DNM2: variants seen among roughly 807,000 people sequenced by gnomAD.
The protein encoded by DNM2 is dynamin-2.
DNM2 carries 15 observed loss-of-function variants against 99.0 expected under a neutral mutation model. That is an observed-to-expected ratio of 0.15 (90% CI 0.10 to 0.23). The LOEUF is 0.23. Ranked by LOEUF, DNM2 falls within the 10% of genes least tolerant of loss-of-function variation. The probability of loss-of-function intolerance (pLI) is 1.00; values close to 1 mark genes in which losing one functional copy is unlikely to be tolerated. For synonymous variants in DNM2, 525 were observed against 481.2 expected, an observed-to-expected ratio of 1.09 and a Z score of -1.19; for missense variants, 742 against 1,189.4, an observed-to-expected ratio of 0.62 and a Z score of 5.53.
intron 2 of DNM2, among the ~76,000 whole-genome samples, chr19:10,760,197 C>CT (rs55799441): frequency 0.019 from 2,630 of 140,784 alleles, 95 homozygotes; most frequent in African/African-American, 0.06. Context: ...CCATGGCCAG[C>CT]TTTTTTTTTT....
intron 1 of DNM2, among the ~76,000 whole-genome samples, chr19:10,744,473 G>A (rs761889372): frequency 4.6e-5 from 7 of 152,028 alleles, no homozygotes; most frequent in Admixed American, 6.6e-5. Flanking sequence ...GGAGAGTCTC[G>A]GGGTGGAGGG....
chr19:10,777,681 G>A (rs1177482219), intron 5 of DNM2, among the ~76,000 whole-genome samples: 1 of 151,710 alleles, frequency 6.6e-6, no homozygotes, highest in Non-Finnish European at 1.5e-5. Context: ...TGCAACCTCC[G>A]CCTCCCAGGT....
Position 10,791,836 on chromosome 19 carries a change from A to C in DNM2, c.993-1884A>C, listed in dbSNP as rs544537526. ...TGCAGTGGCTCATGCCTGTAATCCCAGCACTTTGGGAGGCCAAGGCGGGCG... is the reference window on the plus strand; with the variant it reads ...TGCAGTGGCTCATGCCTGTAATCCCCGCACTTTGGGAGGCCAAGGCGGGCG... On this transcript the variant is annotated intron_variant, in intron 7 of 20. Transcript: ENST00000389253. 3.4e-3 allele frequency among the ~76,000 whole-genome samples: 517 copies of C among 152,286 alleles called. 2 individuals are homozygous for C. Among genetic ancestry groups the C allele is most frequent in the African/African-American group, 0.012 (501 of 41,560 alleles).
At chr19:10,790,200 T>C (rs569547601) in intron 7 of DNM2, among the ~76,000 whole-genome samples, 59 of 152,358 alleles carry the variant, frequency 3.9e-4, no homozygotes, top group African/African-American at 1.3e-3. Context: ...TTTTCTCTTC[T>C]TGTTAAAGCA....
chr19:10,751,627 G>C (rs1053559053), intron 1 of DNM2, among the ~76,000 whole-genome samples: 1 of 152,202 alleles, frequency 6.6e-6, no homozygotes, highest in Non-Finnish European at 1.5e-5. Context: ...GGTGAATGTT[G>C]GTGCCCTTTG....
chr19:10,739,429 C>A (rs4804522), intron 1 of DNM2, among the ~76,000 whole-genome samples: 1 of 151,966 alleles, frequency 6.6e-6, no homozygotes, highest in Non-Finnish European at 1.5e-5. Flanking sequence ...CCTCCCTCCC[C>A]CAGCACCTGG....
chr19:10,743,870 C>T (rs2069858692), intron 1 of DNM2, among the ~76,000 whole-genome samples: 1 of 150,824 alleles, frequency 6.6e-6, no homozygotes, highest in Non-Finnish European at 1.5e-5. Context: ...GCCTGTAGTC[C>T]CAGCTACTTG....
intron 1 of DNM2, among the ~76,000 whole-genome samples, chr19:10,740,885 A>G (rs772343047): frequency 1.1e-4 from 17 of 152,196 alleles, no homozygotes; most frequent in Non-Finnish European, 1.6e-4. Context: ...TCTGAAAAAC[A>G]TCTTTCTTGT....
chr19:10,724,131 A>G (rs2069032677), intron 1 of DNM2, among the ~76,000 whole-genome samples: 2 of 149,568 alleles, frequency 1.3e-5, no homozygotes, highest in African/African-American at 4.9e-5. Flanking sequence ...AGGATCAAGG[A>G]GCAGGATGAG....
At chr19:10,730,466 G>C (rs1391432947) in intron 1 of DNM2, among the ~76,000 whole-genome samples, 1 of 150,668 alleles carries the variant, frequency 6.6e-6, no homozygotes, top group East Asian at 2.0e-4. Context: ...GTGACAGAGC[G>C]AGACCCTGTC....
chr19:10,729,152 G>A (rs370583681), intron 1 of DNM2, among the ~76,000 whole-genome samples: 1,190 of 80,780 alleles, frequency 0.015, 13 homozygotes, highest in Non-Finnish European at 0.021. Flanking sequence ...GCGACAGAGC[G>A]AGACTCCGTC....
intron 5 of DNM2, among the ~76,000 whole-genome samples, chr19:10,780,065 T>C (rs747069440): frequency 2.0e-5 from 3 of 152,176 alleles, no homozygotes; most frequent in Non-Finnish European, 4.4e-5. Flanking sequence ...GCATTTCTTT[T>C]ACTCCTGGGT....
chr19:10,731,314 C>G (rs144903433), intron 1 of DNM2, among the ~76,000 whole-genome samples: 1 of 152,020 alleles, frequency 6.6e-6, no homozygotes, highest in African/African-American at 2.4e-5. Flanking sequence ...CCTGCAGCCA[C>G]CAGGACACTG....
chr19:10,803,217 G>C (rs1221312244), intron 12 of DNM2, among the ~76,000 whole-genome samples: 1 of 152,180 alleles, frequency 6.6e-6, no homozygotes, highest in Non-Finnish European at 1.5e-5. Flanking sequence ...GGTCAGGCAG[G>C]CTTCCTAGGG....
intron 1 of DNM2, among the ~76,000 whole-genome samples, chr19:10,723,756 G>C (rs557679471): frequency 6.6e-5 from 10 of 152,314 alleles, no homozygotes; most frequent in African/African-American, 2.4e-4. Flanking sequence ...CAAGTTACCA[G>C]AACTTCTGCT....
chr19:10,741,410 C>T (rs1246489756), intron 1 of DNM2, among the ~76,000 whole-genome samples: 2 of 151,250 alleles, frequency 1.3e-5, no homozygotes, highest in Non-Finnish European at 2.9e-5. Flanking sequence ...TGTATTTTTT[C>T]TAGAGGTAGG....
At chr19:10,784,058 A>C (rs2145965980) in intron 6 of DNM2, among the ~76,000 whole-genome samples, 1 of 152,250 alleles carries the variant, frequency 6.6e-6, no homozygotes, top group Non-Finnish European at 1.5e-5. Flanking sequence ...AATGGTATTA[A>C]AAGCTATACA....
intron 15 of DNM2, among the ~76,000 whole-genome samples, chr19:10,814,229 C>A (rs1378369942): frequency 6.6e-6 from 1 of 152,080 alleles, no homozygotes; most frequent in Non-Finnish European, 1.5e-5. Flanking sequence ...CTTTGGGAGG[C>A]CAAGGCAGAC....
intron 2 of DNM2, among the ~76,000 whole-genome samples, chr19:10,761,253 T>C (rs1337773373): frequency 1.3e-5 from 2 of 151,982 alleles, no homozygotes; most frequent in Non-Finnish European, 1.5e-5. Flanking sequence ...TCCCAAAGTG[T>C]TGGGATTACA....
Sources: allele counts gnomAD v4.1 joint callset (sites outside exome capture counted in the v4.1 genomes callset), GRCh38; gene constraint gnomAD v4.1.1; transcripts MANE v1.5; gene names NCBI Gene and HGNC (gene_info 2026-07-23, HGNC 2026-07-21).